SEPTIN14: variants seen among roughly 807,000 people sequenced by gnomAD.
SEPTIN14 encodes the protein septin 14.
SEPTIN14 carries 40 observed loss-of-function variants against 53.6 expected under a neutral mutation model. The ratio of observed to expected loss-of-function variants is 0.75; its 90% CI spans 0.58 to 0.97. The LOEUF is 0.97. Ranked by LOEUF, SEPTIN14 falls within the 50% of genes least tolerant of loss-of-function variation. The pLI is 0.00. For synonymous variants in SEPTIN14, 138 were observed against 166.8 expected, an observed-to-expected ratio of 0.83 and a Z score of 1.33; for missense variants, 471 against 508.2, an observed-to-expected ratio of 0.93 and a Z score of 0.70.
At chr7:55,802,282 G>C (rs1788534431) in intron 9 of SEPTIN14, among the ~76,000 whole-genome samples, 1 of 152,156 alleles carries the variant, frequency 6.6e-6, no homozygotes, top group South Asian at 2.1e-4. Context: ...TGGGATTACA[G>C]GCATGAGCCA....
intron 6 of SEPTIN14, among the ~76,000 whole-genome samples, chr7:55,826,881 C>T (rs1328972042): frequency 6.6e-6 from 1 of 152,122 alleles, no homozygotes; most frequent in Non-Finnish European, 1.5e-5. Flanking sequence ...GAGAGCCCGG[C>T]TCCCAGATAC....
chr7:55,799,411 A>G (rs1011477320), intron 9 of SEPTIN14, among the ~76,000 whole-genome samples: 7 of 149,368 alleles, frequency 4.7e-5, no homozygotes, highest in African/African-American at 1.5e-4. Context: ...CCAGCTACTC[A>G]GGAGGCTGAG....
chr7:55,822,633 T>C (rs575743134), intron 6 of SEPTIN14, among the ~76,000 whole-genome samples: 6 of 152,156 alleles, frequency 3.9e-5, no homozygotes, highest in African/African-American at 9.6e-5. Flanking sequence ...AAAGAAGCAA[T>C]GGGAATTTAA....
At position 55,795,988 on chromosome 7, in the gene SEPTIN14, T is replaced by C. The variant is rs1168369119; in HGVS notation, c.1224A>G (p.Lys408=). Residue 408 remains lysine (K), a synonymous_variant, in exon 10 of 10, where the codon AAA becomes AAG. Coordinates refer to ENST00000388975, the MANE Select transcript of SEPTIN14 (RefSeq NM_207366.3). ...QLEGEIIDFY[K]MKAASEALQT... ...GCAGTGCTTCGGAGGCAGCTTTCAT[T>C]TTATAAAAATCTATGATTTCTCCTT... 5 of 1,587,396 alleles carry C rather than the reference T, an allele frequency of 3.1e-6. No homozygotes were observed. The highest frequency in any genetic ancestry group is 4.3e-6 in the Non-Finnish European group (5 of 1,171,788).
At chr7:55,822,987 C>CA (rs753132536) in intron 6 of SEPTIN14, among the ~76,000 whole-genome samples, 16 of 152,048 alleles carry the variant, frequency 1.1e-4, no homozygotes, top group Admixed American at 5.2e-4. Context: ...TCGGCTGATA[C>CA]AAAAAATTGC....
At chr7:55,828,176 G>A (rs538124215) in intron 6 of SEPTIN14, among the ~76,000 whole-genome samples, 1 of 150,426 alleles carries the variant, frequency 6.6e-6, no homozygotes, top group Non-Finnish European at 1.5e-5. Context: ...AGACAAAGCT[G>A]AAAATCAACA....
intron 7 of SEPTIN14, chr7:55,811,265 C>T: frequency 1.9e-6 from 1 of 521,200 alleles, no homozygotes; most frequent in Non-Finnish European, 3.9e-6. Context: ...GTTTATCCAC[C>T]TCCTTGAAGA....
At chr7:55,802,082 G>A (rs1246997502) in intron 9 of SEPTIN14, among the ~76,000 whole-genome samples, 1 of 149,748 alleles carries the variant, frequency 6.7e-6, no homozygotes, top group Non-Finnish European at 1.5e-5. Flanking sequence ...TCAGCTCACT[G>A]CAACCTTCAC....
chr7:55,808,038 G>T (rs1237486571), intron 7 of SEPTIN14, among the ~76,000 whole-genome samples: 3 of 152,104 alleles, frequency 2.0e-5, no homozygotes, highest in African/African-American at 7.2e-5. Context: ...GGGGGAGATA[G>T]ACTGTATTAC....
At position 55,857,688 on chromosome 7, in the gene SEPTIN14, C is replaced by A. The variant is rs1465742075; in HGVS notation, c.54+4255G>T. 4.8e-5 allele frequency among the ~76,000 whole-genome samples: 7 copies of A among 145,644 alleles called. No individual in the cohort carries two copies. The Admixed American group carries it at 4.8e-4, about 10-fold the overall frequency. ...CTGCAAGCTCCGCCTCCCGGGTTCA[C>A]GCCATTCTCCTGCCTCAGCCTCCCG... On this transcript the variant is annotated intron_variant, in intron 2 of 9. Coordinates refer to ENST00000388975, the MANE Select transcript of SEPTIN14 (RefSeq NM_207366.3).
At chr7:55,803,501 T>C (rs895079074) in intron 9 of SEPTIN14, among the ~76,000 whole-genome samples, 3 of 152,186 alleles carry the variant, frequency 2.0e-5, no homozygotes, top group Non-Finnish European at 1.5e-5. Context: ...ATGAAAAATA[T>C]GGGTATTCAT....
chr7:55,857,839 G>A (rs1435161696), intron 2 of SEPTIN14, among the ~76,000 whole-genome samples: 4 of 150,808 alleles, frequency 2.7e-5, no homozygotes, highest in East Asian at 1.9e-4. Context: ...CGCCCGCCTC[G>A]GCCTCCCAAA....
intron 6 of SEPTIN14, among the ~76,000 whole-genome samples, chr7:55,825,305 A>C (rs1465476507): frequency 6.6e-6 from 1 of 152,194 alleles, no homozygotes. Context: ...AATTACGGAG[A>C]GTAAAAAGAT....
intron 5 of SEPTIN14, among the ~76,000 whole-genome samples, chr7:55,836,095 G>T (rs1375814071): frequency 6.6e-6 from 1 of 152,050 alleles, no homozygotes; most frequent in East Asian, 1.9e-4. Context: ...GTGCGCGTGT[G>T]TGTGTATAAG....
chr7:55,855,007 CTTTT>C (rs59769448), intron 2 of SEPTIN14, among the ~76,000 whole-genome samples: 1 of 136,814 alleles, frequency 7.3e-6, no homozygotes, highest in Admixed American at 7.4e-5. Context: ...AAGATCACAA[CTTTT>C]TTTTTTTTTT....
chr7:55,844,579 C>A lies in SEPTIN14; in HGVS notation c.315G>T (p.Leu105Phe). The stretch of plus-strand genomic sequence containing the variant: ...CTACTGTCTCCACAACAGTCAATTT[C>A]AACTGAACATTGCTTTCCTGAAGTT... ...TYELQESNVQ[L>F]KLTVVETVGY... Residue 105 changes from leucine (L) to phenylalanine (F), a missense_variant, in exon 4 of 10, where the codon TTG becomes TTT. Transcript: ENST00000388975. The A allele has an allele frequency of 6.2e-7, 1 of 1,607,866 alleles. No homozygotes were observed. Among genetic ancestry groups the A allele is most frequent in the East Asian group, 2.2e-5 (1 of 44,806 alleles).
intron 2 of SEPTIN14, among the ~76,000 whole-genome samples, chr7:55,860,075 A>T (rs1168234703): frequency 6.6e-6 from 1 of 150,894 alleles, no homozygotes; most frequent in Non-Finnish European, 1.5e-5. Flanking sequence ...GCTACTTGGG[A>T]GGCTGCGGCA....
intron 1 of SEPTIN14, 103 bp from the exon 2 acceptor site, chr7:55,862,114 A>C: frequency 1.4e-6 from 1 of 692,418 alleles, no homozygotes; most frequent in South Asian, 1.9e-5. Flanking sequence ...GTATTTTTGC[A>C]AGCTTTAGTT....
chr7:55,829,726 C>G (rs1789059912), intron 6 of SEPTIN14, among the ~76,000 whole-genome samples: 2 of 145,076 alleles, frequency 1.4e-5, no homozygotes, highest in Admixed American at 7.4e-5. Context: ...ATGGCCTCTT[C>G]CAGAGAATTG....
Sources: allele counts gnomAD v4.1 joint callset (sites outside exome capture counted in the v4.1 genomes callset), GRCh38; gene constraint gnomAD v4.1.1; transcripts MANE v1.5; gene names NCBI Gene and HGNC (gene_info 2026-07-23, HGNC 2026-07-21).